The following DPF3 variants were observed in gnomAD, a reference collection of about 807,000 sequenced individuals.
The protein encoded by DPF3 is zinc finger protein DPF3.
DPF3 carries 18 observed loss-of-function variants against 56.8 expected under a neutral mutation model. The ratio of observed to expected loss-of-function variants is 0.32; its 90% CI spans 0.22 to 0.47. DPF3 has a LOEUF of 0.47. DPF3 is among the 20% of genes least tolerant of loss of function. The pLI, the probability that DPF3 is intolerant of heterozygous loss-of-function variation, is 1.00. For synonymous variants in DPF3, 188 were observed against 180.2 expected, an observed-to-expected ratio of 1.04 and a Z score of -0.35; for missense variants, 403 against 488.8, an observed-to-expected ratio of 0.82 and a Z score of 1.65.
chr14:72,837,622 C>G (rs1405461861), intron 1 of DPF3, among the ~76,000 whole-genome samples: 1 of 152,124 alleles, frequency 6.6e-6, no homozygotes, highest in Non-Finnish European at 1.5e-5. Flanking sequence ...CCTGTAATCC[C>G]AGCTACTTGG....
At chr14:72,627,916 T>C (rs1369721676) in intron 9 of DPF3, among the ~76,000 whole-genome samples, 1 of 152,164 alleles carries the variant, frequency 6.6e-6, no homozygotes, top group Non-Finnish European at 1.5e-5. Flanking sequence ...AATGGAATTA[T>C]GTTCTCTAAC....
rs188787420 is a variant in DPF3 at position 72,855,139 on chromosome 14, T to C, written c.32+38918A>G. Among the ~76,000 whole-genome samples the C allele has an allele frequency of 6.6e-5, 10 of 152,346 alleles. No individual in the cohort carries two copies. The East Asian group carries it at 1.7e-3, about 26-fold the overall frequency. ...CAAACTGAGAGGCCTAGGGCCCAGC[T>C]TCTGCAGCTCTGTCACTGACTGGCC... On this transcript the variant is annotated intron_variant, in intron 1 of 10. Transcript: ENST00000556509.
chr14:72,875,865 G>A (rs1047380919), intron 1 of DPF3, among the ~76,000 whole-genome samples: 4 of 152,154 alleles, frequency 2.6e-5, no homozygotes, highest in East Asian at 3.9e-4. Flanking sequence ...AAACCACCCC[G>A]ATCCCCCTAG....
At chr14:72,756,086 GTGAGCCTAGGGCTGGGGAGGGGACA>G (rs1237232659) in intron 2 of DPF3, among the ~76,000 whole-genome samples, 1 of 152,196 alleles carries the variant, frequency 6.6e-6, no homozygotes, top group Admixed American at 6.5e-5. Flanking sequence ...ACCTTGGGGA[GTGAGCCTAGGGCTGGGGAGGGGACA>G]TGAAGGAGGG....
intron 1 of DPF3, among the ~76,000 whole-genome samples, chr14:72,863,817 G>A (rs995556431): frequency 1.2e-4 from 18 of 152,200 alleles, no homozygotes; most frequent in African/African-American, 3.9e-4. Flanking sequence ...CAAATGTTCT[G>A]CTGGCAGGAA....
rs1567175447 is a variant in DPF3 at position 72,614,778 on chromosome 14, A to AAAAAAAAAAAAAG, written c.*4518_*4519insCTTTTTTTTTTTT. Among the ~76,000 whole-genome samples, 2 of 46,718 alleles carry AAAAAAAAAAAAAG rather than the reference A, an allele frequency of 4.3e-5. No individual in the cohort carries two copies. Among genetic ancestry groups the AAAAAAAAAAAAAG allele is most frequent in the African/African-American group, 2.9e-4 (2 of 6,860 alleles). The allele number at this position is 46,718 out of a possible 152,430, so 30.6% of individuals were successfully genotyped here. On this transcript the variant is annotated 3_prime_UTR_variant, in exon 11 of 11. Transcript: ENST00000556509. ...TGTTGCCCAGGATCACAAGCCTCAG[A>AAAAAAAAAAAAAG]AAAAAAAAAAAGAGTTACAATCACT... is the stretch of plus-strand genomic sequence containing the variant.
chr14:72,688,556 A>G (rs1887534795), intron 7 of DPF3, among the ~76,000 whole-genome samples: 1 of 152,208 alleles, frequency 6.6e-6, no homozygotes, highest in South Asian at 2.1e-4. Context: ...ATTCTAGTCC[A>G]GAGCTCTTTC....
intron 8 of DPF3, among the ~76,000 whole-genome samples, chr14:72,634,561 T>C (rs546784727): frequency 2.0e-5 from 3 of 152,192 alleles, no homozygotes; most frequent in Non-Finnish European, 1.5e-5. Flanking sequence ...GGCACATGGC[T>C]ATAAGGTAAT....
At chr14:72,711,671 G>C (rs747461581) in intron 6 of DPF3, among the ~76,000 whole-genome samples, 1 of 152,126 alleles carries the variant, frequency 6.6e-6, no homozygotes, top group Non-Finnish European at 1.5e-5. Flanking sequence ...TGTTCAGAAG[G>C]TCTCCCAGAC....
At chr14:72,892,530 G>C (rs1886793593) in intron 1 of DPF3, 1 of 1,390,302 alleles carries the variant, frequency 7.2e-7, no homozygotes, top group Non-Finnish European at 9.3e-7. Context: ...GATGGGCGAC[G>C]AGCTGGCGCA....
At chr14:72,836,700 C>A (rs1268356678) in intron 1 of DPF3, among the ~76,000 whole-genome samples, 1 of 152,040 alleles carries the variant, frequency 6.6e-6, no homozygotes, top group Non-Finnish European at 1.5e-5. Context: ...ACTCCACATT[C>A]CTAACAGGAC....
intron 1 of DPF3, among the ~76,000 whole-genome samples, chr14:72,781,997 TCTCA>T (rs1238713829): frequency 1.3e-5 from 2 of 152,178 alleles, no homozygotes; most frequent in Non-Finnish European, 2.9e-5. Flanking sequence ...TTCCTGAAAC[TCTCA>T]CTATGAGCTG....
At chr14:72,721,900 A>T (rs1272012512) in intron 5 of DPF3, among the ~76,000 whole-genome samples, 1 of 152,140 alleles carries the variant, frequency 6.6e-6, no homozygotes, top group Non-Finnish European at 1.5e-5. Context: ...AACAACCCAA[A>T]TTCTTCAACA....
intron 1 of DPF3, among the ~76,000 whole-genome samples, chr14:72,839,211 GCATCTGGC>G (rs1039542809): frequency 6.6e-6 from 1 of 151,848 alleles, no homozygotes; most frequent in African/African-American, 2.4e-5. Flanking sequence ...GTGAGCCACC[GCATCTGGC>G]CATATATATT....
At chr14:72,871,708 C>T (rs1048766394) in intron 1 of DPF3, among the ~76,000 whole-genome samples, 3 of 152,166 alleles carry the variant, frequency 2.0e-5, no homozygotes, top group Admixed American at 2.0e-4. Flanking sequence ...GTGAGGCAGG[C>T]CCTACCTCCA....
chr14:72,685,160 A>G (rs1599355439), intron 7 of DPF3, among the ~76,000 whole-genome samples: 1 of 152,236 alleles, frequency 6.6e-6, no homozygotes, highest in South Asian at 2.1e-4. Context: ...TTGAAAAGCC[A>G]CAATGCAGCA....
chr14:72,663,227 G>C (rs1886300204), intron 8 of DPF3, among the ~76,000 whole-genome samples: 1 of 147,980 alleles, frequency 6.8e-6, no homozygotes, highest in African/African-American at 2.5e-5. Context: ...TCTTTTCACA[G>C]TTAAAACACC....
intron 1 of DPF3, among the ~76,000 whole-genome samples, chr14:72,809,542 A>T (rs12050132): frequency 0.22 from 34,180 of 152,206 alleles, 4,335 homozygotes; most frequent in East Asian, 0.51. Context: ...GGGAGGAAAG[A>T]AGTGCATGGG....
At chr14:72,633,892 A>G (rs1885300498) in intron 8 of DPF3, among the ~76,000 whole-genome samples, 1 of 152,194 alleles carries the variant, frequency 6.6e-6, no homozygotes, top group Non-Finnish European at 1.5e-5. Flanking sequence ...CTGAGCTATG[A>G]AGACATTTTC....
Sources: allele counts gnomAD v4.1 joint callset (sites outside exome capture counted in the v4.1 genomes callset), GRCh38; gene constraint gnomAD v4.1.1; transcripts MANE v1.5; gene names NCBI Gene and HGNC (gene_info 2026-07-23, HGNC 2026-07-21).